Variants in LRRC72 observed in about 807,000 individuals in gnomAD.
LRRC72 encodes the protein leucine-rich repeat-containing protein 72.
Under a neutral mutation model 35.8 loss-of-function variants are expected in LRRC72, and 41 were observed. That is an observed-to-expected ratio of 1.15 (90% confidence interval 0.89 to 1.49). The LOEUF is 1.49. LRRC72 is among the 40% of genes most tolerant of loss of function. The pLI, the probability that LRRC72 is intolerant of heterozygous loss-of-function variation, is 0.00. For missense variants in LRRC72, 389 were observed against 330.7 expected (o/e 1.18, Z -1.37); for synonymous variants, 118 against 119.2 (o/e 0.99, Z 0.07).
intron 5 of LRRC72, among the ~76,000 whole-genome samples, chr7:16,560,573 C>T (rs781497771): frequency 1.3e-5 from 2 of 152,168 alleles, no homozygotes; most frequent in Non-Finnish European, 1.5e-5. Flanking sequence ...TGGAAAAATG[C>T]TGCTATAATT....
At chr7:16,531,145 TG>T (rs1374931831) in intron 1 of LRRC72, among the ~76,000 whole-genome samples, 1 of 150,012 alleles carries the variant, frequency 6.7e-6, no homozygotes, top group Non-Finnish European at 1.5e-5. Flanking sequence ...ATCACACCAC[TG>T]TACTCCAGCC....
chr7:16,540,754 CTT>C (rs1233585197), intron 3 of LRRC72, among the ~76,000 whole-genome samples: 13 of 152,154 alleles, frequency 8.5e-5, no homozygotes, highest in Non-Finnish European at 1.9e-4. Context: ...CTTTCATGCT[CTT>C]TCTCACCTGC....
intron 7 of LRRC72, among the ~76,000 whole-genome samples, chr7:16,574,459 C>G (rs1421161325): frequency 6.6e-6 from 1 of 152,162 alleles, no homozygotes; most frequent in Non-Finnish European, 1.5e-5. Context: ...CCATGGAATA[C>G]TATGCAGCCA....
intron 3 of LRRC72, among the ~76,000 whole-genome samples, chr7:16,547,758 A>C (rs1782473915): frequency 6.6e-6 from 1 of 152,236 alleles, no homozygotes; most frequent in African/African-American, 2.4e-5. Context: ...GCCAAGAAGC[A>C]TGGGAGAGAG....
intron 4 of LRRC72, among the ~76,000 whole-genome samples, chr7:16,558,023 G>A (rs77945258): frequency 0.054 from 8,215 of 152,196 alleles, 288 homozygotes; most frequent in East Asian, 0.12. Context: ...TCTTGCCAAC[G>A]AGGCTACGAC....
chr7:16,544,771 C>T (rs1199648426), intron 3 of LRRC72, among the ~76,000 whole-genome samples: 1 of 152,088 alleles, frequency 6.6e-6, no homozygotes, highest in African/African-American at 2.4e-5. Context: ...TCTGGAAGTA[C>T]GACAGTAGCT....
intron 3 of LRRC72, among the ~76,000 whole-genome samples, chr7:16,538,634 CTG>C (rs1782304945): frequency 6.6e-6 from 1 of 152,226 alleles, no homozygotes; most frequent in South Asian, 2.1e-4. Flanking sequence ...TGGTTTGGCT[CTG>C]TGTCTCCACC....
At chr7:16,559,443 T>C (rs1196475896) in intron 5 of LRRC72, among the ~76,000 whole-genome samples, 2 of 152,154 alleles carry the variant, frequency 1.3e-5, no homozygotes, top group Non-Finnish European at 2.9e-5. Context: ...GATCTTATTG[T>C]CTTTTAAGAT....
intron 3 of LRRC72, among the ~76,000 whole-genome samples, chr7:16,543,016 G>A (rs1293434194): frequency 6.6e-6 from 1 of 152,162 alleles, no homozygotes; most frequent in Non-Finnish European, 1.5e-5. Context: ...GCTAATGTGA[G>A]TTTTCTTATT....
rs568405142 is a variant in LRRC72 at position 16,550,061 on chromosome 7, T to A, written c.235-7299T>A. Among the ~76,000 whole-genome samples the A allele has an allele frequency of 2.0e-5, 3 of 151,762 alleles. No individual in the cohort carries two copies. In the East Asian group the frequency reaches 5.8e-4, roughly 30 times the overall value. ...TAGTCAGACCACATCTCTATGAAAA[T>A]TTTTTAAATTAGTCATGTATGGTGG... is the stretch of plus-strand genomic sequence containing the variant. On this transcript the variant is annotated intron_variant, in intron 3 of 8. Coordinates refer to ENST00000401542, the MANE Select transcript of LRRC72 (RefSeq NM_001195280.2).
chr7:16,579,225 C>CT (rs763398320), intron 7 of LRRC72, among the ~76,000 whole-genome samples: 2 of 152,112 alleles, frequency 1.3e-5, no homozygotes, highest in Non-Finnish European at 2.9e-5. Context: ...AGTCGTACAC[C>CT]TTAAATATAT....
intron 3 of LRRC72, among the ~76,000 whole-genome samples, chr7:16,551,337 C>T (rs1038636217): frequency 6.6e-6 from 1 of 152,096 alleles, no homozygotes; most frequent in African/African-American, 2.4e-5. Context: ...AGTCCCAGTC[C>T]TCATTTCCTG....
rs573480237 is a variant in LRRC72 at position 16,539,188 on chromosome 7, G to A, written c.234+1492G>A. ...ATACTGATAGTGATATGGACAATGAGGTCCAGGCTGAGGTGATCTCAGATG... is the reference window on the plus strand; with the variant it reads ...ATACTGATAGTGATATGGACAATGAAGTCCAGGCTGAGGTGATCTCAGATG... On this transcript the variant is annotated intron_variant, in intron 3 of 8. Coordinates refer to ENST00000401542, the MANE Select transcript of LRRC72 (RefSeq NM_001195280.2). Among the ~76,000 whole-genome samples the A allele has an allele frequency of 3.3e-5, 5 of 152,288 alleles. No individual in the cohort carries two copies. In the South Asian group the frequency reaches 1.0e-3, roughly 32 times the overall value.
intron 3 of LRRC72, among the ~76,000 whole-genome samples, chr7:16,551,460 C>T (rs887967447): frequency 1.8e-4 from 27 of 152,062 alleles, no homozygotes; most frequent in Admixed American, 1.5e-3. Context: ...GGGGGCTGGC[C>T]ATCAAAAACA....
intron 3 of LRRC72, among the ~76,000 whole-genome samples, chr7:16,552,403 GAA>G (rs1782567751): frequency 1.7e-5 from 1 of 59,674 alleles, no homozygotes; most frequent in South Asian, 5.0e-4. Flanking sequence ...GAAAGGAAAT[GAA>G]GTGTGTGCAG....
At chr7:16,580,987 CAAT>C (rs994316203) in intron 8 of LRRC72, among the ~76,000 whole-genome samples, 4 of 151,988 alleles carry the variant, frequency 2.6e-5, no homozygotes. Context: ...AATGAACTTA[CAAT>C]AATAATATGC....
intron 8 of LRRC72, among the ~76,000 whole-genome samples, chr7:16,580,753 A>T (rs1783129340): frequency 6.6e-6 from 1 of 152,324 alleles, no homozygotes; most frequent in South Asian, 2.1e-4. Flanking sequence ...AGCAGTTATC[A>T]TGTAGATTAA....
chr7:16,581,368 T>C lies in LRRC72; in HGVS notation c.743T>C (p.Met248Thr). The C allele has an allele frequency of 6.5e-7, 1 of 1,548,388 alleles. No individual in the cohort carries two copies. Residue 248 changes from methionine (M) to threonine (T), a missense_variant, in exon 9 of 9, where the codon ATG (methionine) becomes ACG (threonine). Met to Thr is a moderately conservative substitution (Grantham distance 81). Coordinates refer to ENST00000401542, the MANE Select transcript of LRRC72 (RefSeq NM_001195280.2). ...DPEDAVFVRS[M>T]KRSVMTLTSM... ...GAAGATGCTGTTTTTGTGAGGTCCA[T>C]GAAGAGATCAGTGATGACTTTGACC...
At chr7:16,551,951 C>T (rs1262471447) in intron 3 of LRRC72, among the ~76,000 whole-genome samples, 2 of 152,136 alleles carry the variant, frequency 1.3e-5, no homozygotes, top group African/African-American at 4.8e-5. Context: ...TCTTGTGGGA[C>T]TGAGCCCCGA....
Sources: allele counts gnomAD v4.1 joint callset (sites outside exome capture counted in the v4.1 genomes callset), GRCh38; gene constraint gnomAD v4.1.1; transcripts MANE v1.5; gene names NCBI Gene and HGNC (gene_info 2026-07-23, HGNC 2026-07-21).